The following VRK2 variants were observed in gnomAD, a reference collection of about 807,000 sequenced individuals.
The protein encoded by VRK2 is serine/threonine-protein kinase VRK2.
A neutral mutation model predicts 57.6 loss-of-function variants in VRK2; 60 were observed. The ratio of observed to expected loss-of-function variants is 1.04; its 90% CI spans 0.85 to 1.29. The LOEUF is 1.29. Ranked by LOEUF, VRK2 falls within the 50% of genes most tolerant of loss-of-function variation. The probability of loss-of-function intolerance (pLI) is 0.00; values close to 1 mark genes in which losing one functional copy is unlikely to be tolerated. For synonymous variants in VRK2, 231 were observed against 199.2 expected (o/e 1.16, Z -1.35); for missense variants, 705 against 588.1 (o/e 1.20, Z -2.06).
At chr2:57,988,686 A>G (rs1361341883) in intron 1 of VRK2, among the ~76,000 whole-genome samples, 6 of 152,224 alleles carry the variant, frequency 3.9e-5, no homozygotes, top group Non-Finnish European at 7.3e-5. Flanking sequence ...TTTGAGACAC[A>G]GACCGATACC....
intron 12 of VRK2, among the ~76,000 whole-genome samples, chr2:58,154,133 T>C (rs988173998): frequency 3.3e-5 from 5 of 152,036 alleles, no homozygotes; most frequent in African/African-American, 1.2e-4. Flanking sequence ...GCCTGTGGGG[T>C]CTGTAGTGAT....
At chr2:58,026,378 T>C (rs920858240) in intron 2 of VRK2, among the ~76,000 whole-genome samples, 1 of 152,088 alleles carries the variant, frequency 6.6e-6, no homozygotes, top group Non-Finnish European at 1.5e-5. Context: ...ATGTAAATAA[T>C]TTCTATAGCA....
chr2:58,076,838 A>C (rs1001226221), intron 2 of VRK2, among the ~76,000 whole-genome samples: 2 of 151,918 alleles, frequency 1.3e-5, no homozygotes, highest in Middle Eastern at 3.2e-3. Flanking sequence ...TTATACTTTA[A>C]AATTTTATTT....
chr2:57,927,130 ACAAG>A (rs1380160526), intron 1 of VRK2, among the ~76,000 whole-genome samples: 6 of 152,118 alleles, frequency 3.9e-5, no homozygotes, highest in South Asian at 2.1e-4. Context: ...GCATAAACAA[ACAAG>A]CAAAGAGAAA....
At chr2:58,078,480 A>G (rs926085139) in intron 2 of VRK2, among the ~76,000 whole-genome samples, 19 of 152,056 alleles carry the variant, frequency 1.2e-4, no homozygotes, top group African/African-American at 3.4e-4. Flanking sequence ...GTATTTCTTC[A>G]GGATCTTACT....
chr2:58,095,024 G>A (rs922472025), intron 7 of VRK2, among the ~76,000 whole-genome samples: 5 of 152,106 alleles, frequency 3.3e-5, no homozygotes, highest in Admixed American at 6.5e-5. Flanking sequence ...TGCTGGGCGC[G>A]GTGGCTCACG....
intron 1 of VRK2, among the ~76,000 whole-genome samples, chr2:57,990,057 A>G (rs970982715): frequency 8.5e-5 from 13 of 152,216 alleles, no homozygotes; most frequent in African/African-American, 3.1e-4. Flanking sequence ...TAGTGTTGGA[A>G]AAGAATGGCA....
intron 7 of VRK2, among the ~76,000 whole-genome samples, chr2:58,091,806 A>G (rs1165173398): frequency 6.6e-6 from 1 of 152,132 alleles, no homozygotes; most frequent in African/African-American, 2.4e-5. Context: ...AAAAAAGGCT[A>G]CCTTTGTGAA....
At chr2:58,038,454 T>C (rs1674343585) in intron 3 of VRK2, among the ~76,000 whole-genome samples, 1 of 152,184 alleles carries the variant, frequency 6.6e-6, no homozygotes, top group African/African-American at 2.4e-5. Context: ...GGCCTCCTCC[T>C]TTCTGCCTTA....
intron 2 of VRK2, among the ~76,000 whole-genome samples, chr2:58,067,767 TTG>T (rs1206732616): frequency 2.0e-4 from 31 of 152,280 alleles, no homozygotes; most frequent in African/African-American, 7.2e-4. Flanking sequence ...TAAATATATT[TTG>T]AAGAACTGAA....
intron 11 of VRK2, among the ~76,000 whole-genome samples, chr2:58,143,826 A>G (rs563757367): frequency 2.0e-5 from 3 of 151,890 alleles, no homozygotes; most frequent in Admixed American, 6.6e-5. Context: ...AGCACAACCT[A>G]AGTGTGTGTC....
intron 1 of VRK2, among the ~76,000 whole-genome samples, chr2:57,989,992 G>C (rs1672712821): frequency 2.0e-5 from 3 of 152,132 alleles, no homozygotes; most frequent in African/African-American, 7.2e-5. Flanking sequence ...CAAAGGAAAA[G>C]ATGTGAAATG....
intron 3 of VRK2, among the ~76,000 whole-genome samples, chr2:58,035,277 G>C (rs1674239166): frequency 6.6e-6 from 1 of 151,932 alleles, no homozygotes; most frequent in Non-Finnish European, 1.5e-5. Flanking sequence ...ATGGGAATTT[G>C]GGAGCAGGGA....
At chr2:58,024,708 C>T (rs1673870889) in intron 1 of VRK2, among the ~76,000 whole-genome samples, 1 of 151,944 alleles carries the variant, frequency 6.6e-6, no homozygotes, top group African/African-American at 2.4e-5. Context: ...CCTCTTAAGA[C>T]ATTTTATTTC....
Position 58,026,155 on chromosome 2 carries a change from G to A in VRK2, c.-333+385G>A, listed in dbSNP as rs190063461. Among the ~76,000 whole-genome samples the A allele has an allele frequency of 9.2e-5, 14 of 152,194 alleles. No homozygotes were observed. In the East Asian group the frequency reaches 2.5e-3, roughly 27 times the overall value. ...ACTTGTTCCATTGCATAATGGAGATGTACAAAGTGAAAATTGCCTAGCACA... is the reference window on the plus strand; with the variant it reads ...ACTTGTTCCATTGCATAATGGAGATATACAAAGTGAAAATTGCCTAGCACA... On this transcript the variant is annotated intron_variant, in intron 2 of 15. Transcript: ENST00000417641.
intron 1 of VRK2, among the ~76,000 whole-genome samples, chr2:57,991,183 T>C (rs1672755598): frequency 6.6e-6 from 1 of 152,124 alleles, no homozygotes; most frequent in Non-Finnish European, 1.5e-5. Flanking sequence ...TGTACCAAAT[T>C]TTGCTAGTAA....
chr2:57,927,335 G>T (rs1172994884), intron 1 of VRK2, among the ~76,000 whole-genome samples: 1 of 148,864 alleles, frequency 6.7e-6, no homozygotes, highest in African/African-American at 2.5e-5. Flanking sequence ...GGAGTCCAGT[G>T]GCGTGATCTC....
At chr2:58,069,301 G>T (rs1669067445) in intron 2 of VRK2, among the ~76,000 whole-genome samples, 1 of 152,106 alleles carries the variant, frequency 6.6e-6, no homozygotes, top group Non-Finnish European at 1.5e-5. Context: ...GACCAGCCTG[G>T]GACTTGGGTA....
intron 2 of VRK2, among the ~76,000 whole-genome samples, chr2:58,063,386 A>G (rs556360905): frequency 1.3e-5 from 2 of 152,066 alleles, no homozygotes; most frequent in Non-Finnish European, 2.9e-5. Context: ...ATAGCAGTGT[A>G]GGATGTCTAT....
Sources: gnomAD v4.1 joint callset for allele counts (sites outside exome capture counted in the v4.1 genomes callset) on GRCh38, gnomAD v4.1.1 for gene constraint, MANE v1.5 for transcripts, NCBI Gene and HGNC (gene_info 2026-07-23, HGNC 2026-07-21) for gene names.